FKBP15: variants seen among roughly 807,000 people sequenced by gnomAD.
FKBP15 encodes FKBP prolyl isomerase family member 15, also known as FK506-binding protein 15.
FKBP15 carries 106 observed loss-of-function variants against 158.1 expected under a neutral mutation model. The ratio of observed to expected loss-of-function variants is 0.67; its 90% CI spans 0.57 to 0.79. The LOEUF is 0.79. FKBP15 is among the 30% of genes least tolerant of loss of function. The probability of loss-of-function intolerance (pLI) is 0.00; values close to 1 mark genes in which losing one functional copy is unlikely to be tolerated. For synonymous variants in FKBP15, 547 were observed against 548.6 expected, an observed-to-expected ratio of 1.00 and a Z score of 0.04; for missense variants, 1,287 against 1,479.1, an observed-to-expected ratio of 0.87 and a Z score of 2.13.
rs751183654 is a variant in FKBP15 at position 113,161,881 on chromosome 9, C to T, written c.*4197G>A. 1 of 712,102 alleles carries T rather than the reference C, an allele frequency of 1.4e-6. No individual in the cohort carries two copies. Among genetic ancestry groups the T allele is most frequent in the South Asian group, 1.5e-5 (1 of 65,948 alleles). 44.1% of individuals were successfully genotyped at this position (712,102 alleles called of 1,614,324 possible). On this transcript the variant is annotated 3_prime_UTR_variant, in exon 28 of 28. Coordinates refer to ENST00000238256, the MANE Select transcript of FKBP15 (RefSeq NM_015258.2). ...GAGCTCATGTCTCCTGATGCCCAGGCCAAAGCACTCTGTGAACAGCCAGCC... is the reference window on the plus strand; with the variant it reads ...GAGCTCATGTCTCCTGATGCCCAGGTCAAAGCACTCTGTGAACAGCCAGCC...
Position 113,168,536 on chromosome 9 carries a change from T to A in FKBP15, c.3506A>T (p.Asp1169Val). The A allele has an allele frequency of 6.2e-7, 1 of 1,613,892 alleles. No individual in the cohort carries two copies. The highest frequency in any genetic ancestry group is 8.5e-7 in the Non-Finnish European group (1 of 1,179,810). ...QRSSLSGDEE[D>V]ELFKGATLKA... ...CAGAGTTGCCCCTTTAAACAGTTCA[T>A]CCTCTTCATCCCCAGAGAGACTGAA... is the stretch of plus-strand genomic sequence containing the variant. Residue 1169 changes from aspartate to valine, a missense_variant, in exon 27 of 28, where the codon GAT (aspartate) becomes GTT (valine). Physicochemically the swap from Asp to Val is radical, Grantham distance 152 (BLOSUM62 -3). Coordinates refer to ENST00000238256, the MANE Select transcript of FKBP15 (RefSeq NM_015258.2).
chr9:113,162,150 T>C lies in FKBP15; in HGVS notation c.*3928A>G. ...GAATCAGGCAACCATTTAGGGTCCC[T>C]GTTCTGCCCTCTGTCCAGCCCCAGC... On this transcript the variant is annotated 3_prime_UTR_variant, in exon 28 of 28. Coordinates refer to ENST00000238256, the MANE Select transcript of FKBP15 (RefSeq NM_015258.2). 3.1e-6 allele frequency: 1 copy of C among 326,652 alleles called. No individual in the cohort carries two copies. The highest frequency in any genetic ancestry group is 5.8e-6 in the Non-Finnish European group (1 of 171,582). 20.2% of individuals were successfully genotyped at this position (326,652 alleles called of 1,614,324 possible).
chr9:113,161,514 G>T lies in FKBP15; in HGVS notation c.*4564C>A. ...AACTCTGCCTCCTTTGACAGGCATG[G>T]CCCTTTCGGTGTTGGTGCTCCTGCT... is the stretch of plus-strand genomic sequence containing the variant. On this transcript the variant is annotated 3_prime_UTR_variant, in exon 28 of 28. Transcript: ENST00000238256. 6.2e-7 allele frequency: 1 copy of T among 1,613,916 alleles called. No homozygotes were observed. Among genetic ancestry groups the T allele is most frequent in the South Asian group, 1.1e-5 (1 of 91,068 alleles).
In FKBP15 at chr9:113,164,815, C is replaced by T. The variant is rs7850672; in HGVS notation, c.*1263G>A. 48,025 of 152,084 alleles carry T rather than the reference C, an allele frequency of 0.32. 7,757 individuals carry two copies. The highest frequency in any genetic ancestry group is 0.33 in the Non-Finnish European group (22,675 of 67,980). 9.4% of individuals were successfully genotyped at this position (152,084 alleles called of 1,614,324 possible). A position where few individuals can be genotyped will look rare whatever the true frequency, so the allele number is the denominator to read the frequency against. ...TCTCCTCTATAAAATGGTGATAACA[C>T]TGTCTTCTGCAGTGGTTGCTGGAGA... On this transcript the variant is annotated 3_prime_UTR_variant, in exon 28 of 28. Transcript: ENST00000238256.
At chr9:113,218,597 C>G (rs1831192633) in intron 1 of FKBP15, among the ~76,000 whole-genome samples, 1 of 151,856 alleles carries the variant, frequency 6.6e-6, no homozygotes, top group African/African-American at 2.4e-5. Flanking sequence ...ACTCAGATAC[C>G]CCTGCAAGGG....
Position 113,178,666 on chromosome 9 carries a change from T to C in FKBP15, c.2050A>G (p.Arg684Gly). 6.2e-7 allele frequency: 1 copy of C among 1,610,256 alleles called. No homozygotes were observed. The highest frequency in any genetic ancestry group is 2.2e-5 in the East Asian group (1 of 44,798). The change falls in exon 20 of 28, where the codon AGG becomes GGG. Residue 684 changes from arginine (R) to glycine (G), a missense_variant. Arg to Gly is a moderately radical substitution (Grantham distance 125, BLOSUM62 -2). Transcript: ENST00000238256. ...TESLKETDLL[R>G]GQLTKVQAKL... ...GCCTGCACTTTGGTGAGCTGGCCCC[T>C]GAGAAGATCTGTCTCCTTCAGGCTT...
chr9:113,170,724 C>G lies in FKBP15; in HGVS notation c.2659-95G>C. 4 of 845,328 alleles carry G rather than the reference C, an allele frequency of 4.7e-6. No individual in the cohort carries two copies. The South Asian group carries it at 5.4e-5, about 11-fold the overall frequency. The allele number at this position is 845,328 out of a possible 1,614,324, so 52.4% of individuals were successfully genotyped here. On this transcript the variant is annotated intron_variant, in intron 24 of 27. Transcript: ENST00000238256. ...GTATGGAAGGCCAAAATGAAGCCAT[C>G]TTAGATCTCTACACTGGGATACTGC...
intron 18 of FKBP15, 120 bp downstream of exon 18, chr9:113,183,631 A>C (rs994690833): frequency 1.5e-6 from 1 of 665,690 alleles, no homozygotes; most frequent in Non-Finnish European, 2.6e-6. Context: ...CATGACAGGC[A>C]GGAAACAGAA....
Position 113,169,763 on chromosome 9 carries a change from C to A in FKBP15, c.2946G>T (p.Val982=). The stretch of plus-strand genomic sequence containing the variant: ...CTTCCTCGACCACCTGCTCTGAGGG[C>A]ACCATGGGGGACTCTGGCCTCTCCC... ...LNRERPESPM[V]PSEQVVEEAV... Residue 982 remains valine, a synonymous_variant, in exon 26 of 28, where the codon GTG becomes GTT. Transcript: ENST00000238256. The A allele has an allele frequency of 6.2e-7, 1 of 1,607,904 alleles. No homozygotes were observed. The highest frequency in any genetic ancestry group is 8.5e-7 in the Non-Finnish European group (1 of 1,177,056).
intron 1 of FKBP15, among the ~76,000 whole-genome samples, chr9:113,213,665 T>C (rs996140975): frequency 6.6e-6 from 1 of 151,964 alleles, no homozygotes; most frequent in Non-Finnish European, 1.5e-5. Context: ...AAGAAAGATC[T>C]GAGCTAGTAT....
rs961857898 is a variant in FKBP15, at chr9:113,184,399, C to G, written c.1609G>C (p.Val537Leu). 1 of 1,590,588 alleles carries G rather than the reference C, an allele frequency of 6.3e-7. No homozygotes were observed. The highest frequency in any genetic ancestry group is 8.6e-7 in the Non-Finnish European group (1 of 1,164,086). The change falls in exon 17 of 28, where the codon GTT (valine) becomes CTT (leucine). Residue 537 changes from valine to leucine, a missense_variant and splice_region_variant. Physicochemically the swap from Val to Leu is conservative, Grantham distance 32. Coordinates refer to ENST00000238256, the MANE Select transcript of FKBP15 (RefSeq NM_015258.2). The surrounding 1 kb of genome is among the most constrained non-coding windows in gnomAD (Gnocchi z 4.5). ...GCACTATGTTTCTGTAACTCTTCAA[C>G]CTACAAAAGGGATACCAGAAAGACC... ...ADKMDHLMTK[V>L]EELQKHSAGN...
chr9:113,184,192 C>T lies in FKBP15; in HGVS notation c.1716+100G>A. ...GTCTAACCCAGTGTAGCGTTTATCA[C>T]AGGCTATTTCTGGGGTGGAGGTGTT... is the stretch of plus-strand genomic sequence containing the variant. On this transcript the variant is annotated intron_variant, in intron 17 of 27. Coordinates refer to ENST00000238256, the MANE Select transcript of FKBP15 (RefSeq NM_015258.2). The surrounding 1 kb of genome is among the most constrained non-coding windows in gnomAD (Gnocchi z 4.5). 3.9e-6 allele frequency: 3 copies of T among 775,686 alleles called. No individual in the cohort carries two copies. Among genetic ancestry groups the T allele is most frequent in the Non-Finnish European group, 6.5e-6 (3 of 464,322 alleles). 48.1% of individuals were successfully genotyped at this position (775,686 alleles called of 1,614,324 possible). A position where few individuals can be genotyped will look rare whatever the true frequency, so the allele number is the denominator to read the frequency against.
Position 113,164,322 on chromosome 9 carries a change from C to CAGGT in FKBP15, c.*1752_*1755dup, listed in dbSNP as rs1333944050. 6.6e-6 allele frequency: 1 copy of CAGGT among 152,230 alleles called. No individual in the cohort carries two copies. The highest frequency in any genetic ancestry group is 1.5e-5 in the Non-Finnish European group (1 of 68,056). The allele number at this position is 152,230 out of a possible 1,614,324, so 9.4% of individuals were successfully genotyped here. A position where few individuals can be genotyped will look rare whatever the true frequency, so the allele number is the denominator to read the frequency against. On this transcript the variant is annotated 3_prime_UTR_variant, in exon 28 of 28. Coordinates refer to ENST00000238256, the MANE Select transcript of FKBP15 (RefSeq NM_015258.2). ...AAACCCAGCCCTGAAATGCTGCACC[C>CAGGT]AGGTAGACACCCCAGAATGCCAACT...
At chr9:113,213,955 A>G (rs1001069598) in intron 1 of FKBP15, among the ~76,000 whole-genome samples, 2 of 151,984 alleles carry the variant, frequency 1.3e-5, no homozygotes, top group Non-Finnish European at 2.9e-5. Context: ...TTTTTTAGAG[A>G]CAGGGTCTCA....
chr9:113,221,198 T>A lies in FKBP15; in HGVS notation c.46A>T (p.Ser16Cys). The stretch of plus-strand genomic sequence containing the variant: ...TACTTCTCAGTCACTCACCCGCCGC[T>A]CGGCGAGAGGAAATCGGTGTCGTCC... ...DEDDTDFLSP[S>C]GGARLASLFG... is the part of the protein sequence containing the mutation. The change falls in exon 1 of 28, where the codon AGC (serine) becomes TGC (cysteine). Residue 16 changes from serine to cysteine, a missense_variant. By Grantham distance (112) the Ser-to-Cys change is moderately radical. Transcript: ENST00000238256. The A allele has an allele frequency of 6.2e-7, 1 of 1,609,772 alleles. No individual in the cohort carries two copies. The highest frequency in any genetic ancestry group is 8.5e-7 in the Non-Finnish European group (1 of 1,177,740).
intron 14 of FKBP15, chr9:113,187,468 T>C (rs1038150775): frequency 8.3e-6 from 2 of 240,344 alleles, no homozygotes; most frequent in Non-Finnish European, 1.7e-5. Context: ...TGCCAACTTT[T>C]AGTAGAAAAG....
intron 9 of FKBP15, among the ~76,000 whole-genome samples, chr9:113,195,623 G>A (rs2118912772): frequency 6.6e-6 from 1 of 152,308 alleles, no homozygotes; most frequent in Admixed American, 6.5e-5. Flanking sequence ...TGTGACAGGT[G>A]TAAACAGCCA....
chr9:113,212,778 G>A (rs1344377604), intron 1 of FKBP15, among the ~76,000 whole-genome samples: 1 of 152,006 alleles, frequency 6.6e-6, no homozygotes, highest in Non-Finnish European at 1.5e-5. Flanking sequence ...CTCTCCCTTG[G>A]TAGGGTTTCA....
chr9:113,184,717 T>C lies in FKBP15; in HGVS notation c.1586A>G (p.Lys529Arg), dbSNP rs1276665607. ...CACCTTAGTCATGAGATGATCCATT[T>C]TATCAGCCACTTTGCTGACTGCCAT... is the stretch of plus-strand genomic sequence containing the variant. ...IRMAVSKVAD[K>R]MDHLMTKVEE... Residue 529 changes from lysine (K) to arginine (R), a missense_variant, in exon 16 of 28, where the codon AAA (lysine) becomes AGA (arginine). By Grantham distance (26) the Lys-to-Arg change is conservative (BLOSUM62 2). Transcript: ENST00000238256. This position sits in a 1 kb window ranked among gnomAD's most constrained non-coding sequence, Gnocchi z 4.5. The C allele has an allele frequency of 6.2e-7, 1 of 1,607,584 alleles. No homozygotes were observed. Among genetic ancestry groups the C allele is most frequent in the South Asian group, 1.1e-5 (1 of 89,520 alleles).
Sources: gnomAD v4.1 joint callset for allele counts (sites outside exome capture counted in the v4.1 genomes callset) on GRCh38, gnomAD v4.1.1 for gene constraint, Gnocchi (gnomAD v3.1) non-coding constraint, MANE v1.5 for transcripts, NCBI Gene and HGNC (gene_info 2026-07-23, HGNC 2026-07-21) for gene names.